Variants in INTS14 observed in about 807,000 individuals in gnomAD.
INTS14 encodes integrator complex subunit 14.
A neutral mutation model predicts 56.9 loss-of-function variants in INTS14; 27 were observed. The ratio of observed to expected loss-of-function variants is 0.47; its 90% CI spans 0.35 to 0.65. The LOEUF is 0.65. Among genes scored for constraint, INTS14 ranks in the 30% least tolerant of loss-of-function variants. The pLI is 0.00. For missense variants in INTS14, 517 were observed against 632.2 expected, an observed-to-expected ratio of 0.82 and a Z score of 1.95; for synonymous variants, 207 against 236.2, an observed-to-expected ratio of 0.88 and a Z score of 1.13.
intron 3 of INTS14, among the ~76,000 whole-genome samples, chr15:65,600,667 CAACA>C (rs1211094747): frequency 6.8e-6 from 1 of 147,638 alleles, no homozygotes; most frequent in Middle Eastern, 3.2e-3. Context: ...AAAAAAAAAA[CAACA>C]AAAAAAGGCA....
rs767170805 is a variant in INTS14 at position 65,584,896 on chromosome 15, GA to G, written c.1121-9del. 6.9e-6 allele frequency: 11 copies of G among 1,601,746 alleles called. No individual in the cohort carries two copies. In the South Asian group the frequency reaches 7.9e-5, roughly 11 times the overall value. ...AAGGGTTTTCTTTAGCATCTTAAAAGAAAAGACATTCTTGAAATGACATCTG... is the reference window on the plus strand; with the variant it reads ...AAGGGTTTTCTTTAGCATCTTAAAAGAAAGACATTCTTGAAATGACATCTG... On this transcript the variant is annotated splice_polypyrimidine_tract_variant and intron_variant, in intron 9 of 11. Coordinates refer to ENST00000313182, the MANE Select transcript of INTS14 (RefSeq NM_001394796.1).
chr15:65,584,712 C>G (rs2072752714), intron 10 of INTS14, 58 bp downstream of exon 10: 1 of 1,412,458 alleles, frequency 7.1e-7, no homozygotes, highest in African/African-American at 1.5e-5. Flanking sequence ...AAAATGCCTG[C>G]CTGCCTACCC....
At chr15:65,605,958 A>T (rs1467237914) in intron 2 of INTS14, among the ~76,000 whole-genome samples, 2 of 152,214 alleles carry the variant, frequency 1.3e-5, no homozygotes, top group African/African-American at 2.4e-5. Context: ...TAAGTCACTT[A>T]AAAAATCTGA....
At chr15:65,589,354 C>T (rs186976034) in intron 9 of INTS14, among the ~76,000 whole-genome samples, 2 of 152,192 alleles carry the variant, frequency 1.3e-5, no homozygotes, top group African/African-American at 2.4e-5. Flanking sequence ...GATAGGGTTT[C>T]GCTATGTTGG....
intron 8 of INTS14, among the ~76,000 whole-genome samples, chr15:65,592,824 G>A (rs2141278290): frequency 6.6e-6 from 1 of 152,100 alleles, no homozygotes; most frequent in Non-Finnish European, 1.5e-5. Flanking sequence ...CAAGTTAGTA[G>A]CATTGCTATA....
At chr15:65,580,835 C>G (rs146177768) in intron 11 of INTS14, among the ~76,000 whole-genome samples, 170 of 152,342 alleles carry the variant, frequency 1.1e-3, no homozygotes, top group African/African-American at 3.9e-3. Flanking sequence ...CCCCCTGTAA[C>G]TTAACAGTCT....
In INTS14 at chr15:65,579,040, T is replaced by C. The variant is rs3743168; in HGVS notation, c.*368A>G. 11,055 of 183,638 alleles carry C rather than the reference T, an allele frequency of 0.06. 370 individuals are homozygous for C. The highest frequency in any genetic ancestry group is 0.091 in the African/African-American group (3,832 of 42,308). The allele number at this position is 183,638 out of a possible 1,614,324, so 11.4% of individuals were successfully genotyped here. On this transcript the variant is annotated 3_prime_UTR_variant, in exon 12 of 12. Coordinates refer to ENST00000313182, the MANE Select transcript of INTS14 (RefSeq NM_001394796.1). The stretch of plus-strand genomic sequence containing the variant: ...TGAAAATGCCCTTACAGTTGAGATA[T>C]AAACGAGGGAAGAGGTGAAGCTTTC...
intron 3 of INTS14, among the ~76,000 whole-genome samples, chr15:65,600,742 T>C (rs1172812263): frequency 6.6e-6 from 1 of 152,078 alleles, no homozygotes; most frequent in African/African-American, 2.4e-5. Context: ...GAATACTATA[T>C]CTTAATTGTA....
intron 7 of INTS14, 90 bp from the exon 8 acceptor site, chr15:65,593,662 A>G (rs2073110460): frequency 6.1e-6 from 9 of 1,472,158 alleles, no homozygotes; most frequent in African/African-American, 1.4e-5. Context: ...CTAGCCTTTA[A>G]GGGATAGTGT....
chr15:65,589,499 T>C (rs2072946352), intron 9 of INTS14, among the ~76,000 whole-genome samples: 1 of 152,222 alleles, frequency 6.6e-6, no homozygotes, highest in South Asian at 2.1e-4. Flanking sequence ...TTCAAAATCC[T>C]CTCTTCTAGC....
chr15:65,600,043 C>T (rs1596259538), intron 3 of INTS14, 114 bp from the exon 4 acceptor site: 1 of 1,191,782 alleles, frequency 8.4e-7, no homozygotes, highest in East Asian at 2.6e-5. Flanking sequence ...TATGGTGGCT[C>T]AAGCCTGTAA....
intron 9 of INTS14, among the ~76,000 whole-genome samples, chr15:65,589,077 G>A (rs191798301): frequency 3.2e-4 from 49 of 152,336 alleles, no homozygotes; most frequent in Admixed American, 2.9e-3. Context: ...TTGCTATGTT[G>A]GAAGCCAGAT....
chr15:65,605,043 A>G, intron 3 of INTS14, 86 bp downstream of exon 3: 2 of 943,406 alleles, frequency 2.1e-6, no homozygotes, highest in Admixed American at 1.8e-5. Flanking sequence ...ATTACAATGC[A>G]TGCTGTGTCA....
chr15:65,587,376 C>A (rs1429088228), intron 9 of INTS14, among the ~76,000 whole-genome samples: 1 of 150,986 alleles, frequency 6.6e-6, no homozygotes, highest in Non-Finnish European at 1.5e-5. Context: ...TGAGAAAATA[C>A]CTGAAGAATG....
At chr15:65,608,097 C>G (rs369111034) in intron 1 of INTS14, among the ~76,000 whole-genome samples, 1 of 152,268 alleles carries the variant, frequency 6.6e-6, no homozygotes, top group South Asian at 2.1e-4. Flanking sequence ...TATGTAAGGT[C>G]GGGCACAGTG....
At chr15:65,608,235 G>T (rs897118832) in intron 1 of INTS14, among the ~76,000 whole-genome samples, 2 of 151,880 alleles carry the variant, frequency 1.3e-5, no homozygotes, top group South Asian at 4.2e-4. Flanking sequence ...AATCAGCCAG[G>T]CATGGTGGCT....
intron 4 of INTS14, 93 bp from the exon 5 acceptor site, chr15:65,599,083 G>A: frequency 5.2e-6 from 4 of 767,472 alleles, no homozygotes; most frequent in East Asian, 2.8e-5. Context: ...CGATAACATA[G>A]GCAATAAATA....
At chr15:65,593,326 T>G (rs1596248847) in intron 8 of INTS14, 102 bp downstream of exon 8, 14 of 1,373,620 alleles carry the variant, frequency 1.0e-5, no homozygotes, top group South Asian at 3.0e-5. Flanking sequence ...AGGAAAAAGG[T>G]GACAAGGACC....
In INTS14 at chr15:65,610,561, A is replaced by G. The variant is rs189235545; in HGVS notation, c.-63+537T>C. 39 of 1,133,094 alleles carry G rather than the reference A, an allele frequency of 3.4e-5. No individual in the cohort carries two copies. In the African/African-American group the frequency reaches 5.8e-4, roughly 17 times the overall value. The allele number at this position is 1,133,094 out of a possible 1,614,324, so 70.2% of individuals were successfully genotyped here. A position where few individuals can be genotyped will look rare whatever the true frequency, so the allele number is the denominator to read the frequency against. On this transcript the variant is annotated intron_variant, in intron 1 of 11. Coordinates refer to ENST00000313182, the MANE Select transcript of INTS14 (RefSeq NM_001394796.1). ...AGCCACCTATTTGGCCTTGAATACC[A>G]AGTGTCCATCAGCTAGACGTTTGTA...
Sources: gnomAD v4.1 joint callset for allele counts (sites outside exome capture counted in the v4.1 genomes callset) on GRCh38, gnomAD v4.1.1 for gene constraint, MANE v1.5 for transcripts, NCBI Gene and HGNC (gene_info 2026-07-23, HGNC 2026-07-21) for gene names.